The following HK1 variants were observed in gnomAD, a reference collection of about 807,000 sequenced individuals.
HK1 encodes hexokinase 1.
HK1 carries 28 observed loss-of-function variants against 91.6 expected under a neutral mutation model. That is an observed-to-expected ratio of 0.31 (90% CI 0.23 to 0.42). HK1 has a LOEUF of 0.42. Among genes scored for constraint, HK1 ranks in the 10% least tolerant of loss-of-function variants. HK1 has a pLI of 1.00. For synonymous variants in HK1, 430 were observed against 468.1 expected, an observed-to-expected ratio of 0.92 and a Z score of 1.05; for missense variants, 770 against 1,219.8, an observed-to-expected ratio of 0.63 and a Z score of 5.49.
rs370223001 is a variant in HK1 at position 69,308,186 on chromosome 10, T to C, written c.27+7325T>C. Among the ~76,000 whole-genome samples, 14 of 152,276 alleles carry C rather than the reference T, an allele frequency of 9.2e-5. No individual in the cohort carries two copies. The East Asian group carries it at 2.7e-3, about 29-fold the overall frequency. The stretch of plus-strand genomic sequence containing the variant: ...AAGCGGTTCCCAACCTTTATGGCAC[T>C]AGGCACTGGTTTTGTGGAAGACAAT... On this transcript the variant is annotated intron_variant, in intron 5 of 21. Transcript: ENST00000360289.
intron 3 of HK1, among the ~76,000 whole-genome samples, chr10:69,360,817 C>G (rs751010239): frequency 5.9e-5 from 9 of 152,206 alleles, no homozygotes; most frequent in Non-Finnish European, 2.9e-5. Context: ...TTCTGGGTCC[C>G]TAAGCCCGTC....
intron 16 of HK1, among the ~76,000 whole-genome samples, chr10:69,396,770 C>G (rs995737535): frequency 3.3e-5 from 5 of 152,174 alleles, no homozygotes; most frequent in African/African-American, 1.2e-4. Context: ...TAACCTCTGC[C>G]TCCTGGGTTC....
At chr10:69,320,853 G>C (rs1238672798) in intron 1 of HK1, among the ~76,000 whole-genome samples, 1 of 152,160 alleles carries the variant, frequency 6.6e-6, no homozygotes, top group Non-Finnish European at 1.5e-5. Flanking sequence ...AGTGTCTAGG[G>C]TGGGCCCAGA....
rs1310756935 is a variant in HK1, at chr10:69,305,923, T to C, written c.27+5062T>C. Among the ~76,000 whole-genome samples, 6 of 149,034 alleles carry C rather than the reference T, an allele frequency of 4.0e-5. No homozygotes were observed. In the East Asian group the frequency reaches 7.9e-4, roughly 20 times the overall value. ...GAAAAAGAAAAAAAGAAGAAGAAAA[T>C]GACTGAGGCGAGTCTCAATCAATTT... On this transcript the variant is annotated intron_variant, in intron 5 of 21. Coordinates refer to the HK1 transcript ENST00000360289.
chr10:69,362,098 A>G (rs1720361373), intron 3 of HK1, among the ~76,000 whole-genome samples: 1 of 152,218 alleles, frequency 6.6e-6, no homozygotes, highest in South Asian at 2.1e-4. Flanking sequence ...GCTTTAATAA[A>G]TTCAGAAGCA....
chr10:69,375,288 C>T (rs2132845998), intron 7 of HK1, among the ~76,000 whole-genome samples: 1 of 152,318 alleles, frequency 6.6e-6, no homozygotes. Context: ...AACCCATATC[C>T]TCCATATAAC....
At chr10:69,399,818 G>A (rs1840308761) in intron 17 of HK1, among the ~76,000 whole-genome samples, 2 of 152,130 alleles carry the variant, frequency 1.3e-5, no homozygotes, top group Non-Finnish European at 2.9e-5. Flanking sequence ...CTCTGGGACT[G>A]TAGGCAAACT....
chr10:69,327,093 C>G (rs192505921), intron 1 of HK1, among the ~76,000 whole-genome samples: 1 of 150,372 alleles, frequency 6.7e-6, no homozygotes, highest in Non-Finnish European at 1.5e-5. Context: ...CAACCTCTGC[C>G]TCCTGGGTTC....
At chr10:69,341,652 A>T (rs1213111389) in intron 1 of HK1, among the ~76,000 whole-genome samples, 1 of 151,718 alleles carries the variant, frequency 6.6e-6, no homozygotes, top group Non-Finnish European at 1.5e-5. Context: ...TTGTAGAGAC[A>T]GGGTTGTTGC....
At chr10:69,362,251 A>AT (rs925132310) in intron 3 of HK1, among the ~76,000 whole-genome samples, 13 of 151,498 alleles carry the variant, frequency 8.6e-5, no homozygotes, top group African/African-American at 2.9e-4. Flanking sequence ...TATTAAAAAA[A>AT]TTTTTTTTTA....
chr10:69,287,449 G>T (rs1845082553), intron 2 of HK1, among the ~76,000 whole-genome samples: 1 of 152,190 alleles, frequency 6.6e-6, no homozygotes, highest in Non-Finnish European at 1.5e-5. Flanking sequence ...TGAGATGTGG[G>T]TTGGGACACA....
intron 4 of HK1, among the ~76,000 whole-genome samples, chr10:69,297,434 G>C (rs766737094): frequency 2.6e-5 from 4 of 152,110 alleles, no homozygotes; most frequent in Non-Finnish European, 5.9e-5. Context: ...TGTTGTTCGA[G>C]GGTCAACTGT....
intron 3 of HK1, among the ~76,000 whole-genome samples, chr10:69,293,007 A>G (rs1419429607): frequency 1.3e-5 from 2 of 152,076 alleles, no homozygotes; most frequent in Non-Finnish European, 1.5e-5. Flanking sequence ...CATCTGATTC[A>G]TCTCCCCTTT....
chr10:69,350,330 C>T (rs1848780228), intron 2 of HK1, among the ~76,000 whole-genome samples: 1 of 152,216 alleles, frequency 6.6e-6, no homozygotes, highest in Non-Finnish European at 1.5e-5. Context: ...AGATGCTGGA[C>T]ATCCAGGAAA....
chr10:69,382,342 T>A, intron 9 of HK1, 145 bp from the exon 10 acceptor site: 1 of 860,422 alleles, frequency 1.2e-6, no homozygotes, highest in Non-Finnish European at 1.9e-6. Flanking sequence ...GCCATTGCAC[T>A]CCAGCCTGGG....
rs774250708 is a variant in HK1 at position 69,401,571 on chromosome 10, CG to C, written c.*441del. The C allele has an allele frequency of 3.0e-5, 11 of 367,722 alleles. No homozygotes were observed. The highest frequency in any genetic ancestry group is 4.1e-5 in the South Asian group (2 of 49,200). The allele number at this position is 367,722 out of a possible 1,614,324, so 22.8% of individuals were successfully genotyped here. ...AGCAGACACTGCCGGGCCTCCCTCC[CG>C]GGGGCACTGCCTGAAGGCGAGTGTG... is the stretch of plus-strand genomic sequence containing the variant. On this transcript the variant is annotated 3_prime_UTR_variant, in exon 18 of 18. Transcript: ENST00000359426.
At chr10:69,375,818 T>C (rs1229918586) in intron 7 of HK1, among the ~76,000 whole-genome samples, 9 of 152,200 alleles carry the variant, frequency 5.9e-5, no homozygotes, top group Admixed American at 1.3e-4. Context: ...CATCGAGCCC[T>C]GGTTCTTGCC....
intron 2 of HK1, among the ~76,000 whole-genome samples, chr10:69,288,366 T>A (rs1038236056): frequency 6.6e-6 from 1 of 152,088 alleles, no homozygotes; most frequent in African/African-American, 2.4e-5. Flanking sequence ...CCCAGCACTT[T>A]AGGAGGCTGA....
chr10:69,356,916 GC>G (rs1359251585), intron 2 of HK1, among the ~76,000 whole-genome samples: 1 of 142,278 alleles, frequency 7.0e-6, no homozygotes, highest in Non-Finnish European at 1.5e-5. Context: ...GAAAAGATAA[GC>G]CAAGTGTTTA....
Sources: gnomAD v4.1 joint callset for allele counts (sites outside exome capture counted in the v4.1 genomes callset) on GRCh38, gnomAD v4.1.1 for gene constraint, MANE v1.5 for transcripts, NCBI Gene and HGNC (gene_info 2026-07-23, HGNC 2026-07-21) for gene names.